The following VPS36 variants were observed in gnomAD, a reference collection of about 807,000 sequenced individuals.
VPS36 encodes vacuolar protein sorting 36 homolog, also known as vacuolar protein-sorting-associated protein 36.
VPS36 carries 31 observed loss-of-function variants against 63.5 expected under a neutral mutation model. That is an observed-to-expected ratio of 0.49 (90% CI 0.37 to 0.66). The LOEUF (loss-of-function observed/expected upper bound fraction) is 0.66, where lower values mean the gene tolerates loss of function less well. VPS36 is among the 30% of genes least tolerant of loss of function. VPS36 has a pLI of 0.00. For synonymous variants in VPS36, 138 were observed against 157.2 expected (o/e 0.88, Z 0.91); for missense variants, 338 against 463.7 (o/e 0.73, Z 2.49).
In VPS36 at chr13:52,424,991, G is replaced by GAAA. The variant is rs751008005; in HGVS notation, c.774+938_774+940dup. 7.4e-3 allele frequency among the ~76,000 whole-genome samples: 1,020 copies of GAAA among 138,736 alleles called. 4 individuals carry two copies. The highest frequency in any genetic ancestry group is 0.017 in the African/African-American group (627 of 37,766). The allele number at this position is 138,736 out of a possible 152,430, so 91.0% of individuals were successfully genotyped here. A position where few individuals can be genotyped will look rare whatever the true frequency, so the allele number is the denominator to read the frequency against. Reference sequence around the variant, plus strand: ...CGACAATAGTGAGACTCTGTTTCAAGAAAAAAAAAAAGAAAATGTAGCACT... The same window carrying GAAA: ...CGACAATAGTGAGACTCTGTTTCAAGAAAAAAAAAAAAAAGAAAATGTAGCACT... On this transcript the variant is annotated intron_variant, in intron 9 of 13. Transcript: ENST00000378060.
intron 4 of VPS36, 94 bp downstream of exon 4, chr13:52,436,196 T>C (rs1248297559): frequency 1.3e-6 from 1 of 778,560 alleles, no homozygotes; most frequent in Non-Finnish European, 2.0e-6. Context: ...TAATACTACC[T>C]TCCATCATAT....
At chr13:52,444,188 T>C (rs1958310277) in intron 1 of VPS36, among the ~76,000 whole-genome samples, 1 of 152,236 alleles carries the variant, frequency 6.6e-6, no homozygotes, top group Non-Finnish European at 1.5e-5. Flanking sequence ...CCGGGTGCCA[T>C]GGCTCACGCC....
At chr13:52,438,395 T>C (rs865965988) in intron 3 of VPS36, among the ~76,000 whole-genome samples, 2 of 152,216 alleles carry the variant, frequency 1.3e-5, no homozygotes, top group Non-Finnish European at 2.9e-5. Context: ...CATAACATTA[T>C]GATCAAGGCA....
chr13:52,436,266 G>A (rs762533469), intron 4 of VPS36, 24 bp downstream of exon 4: 10 of 1,158,664 alleles, frequency 8.6e-6, no homozygotes, highest in East Asian at 2.7e-5. Context: ...TTTCTAGTAC[G>A]ATTTTATTCA....
intron 3 of VPS36, 123 bp downstream of exon 3, chr13:52,438,975 A>C (rs1958245885): frequency 1.3e-6 from 1 of 768,472 alleles, no homozygotes; most frequent in Non-Finnish European, 2.0e-6. Context: ...ATTACAGCAA[A>C]CCTTAGCTTT....
In VPS36 at chr13:52,436,097, C is replaced by T. The variant is rs565998254; in HGVS notation, c.351+193G>A. ...CCTCTGCTTCCCATTCCCACTGAAA[C>T]CTAAACTTCATATTCTCCACTCACT... On this transcript the variant is annotated intron_variant, in intron 4 of 13. Transcript: ENST00000378060. 13 of 436,938 alleles carry T rather than the reference C, an allele frequency of 3.0e-5. No homozygotes were observed. The South Asian group carries it at 8.3e-4, about 28-fold the overall frequency. The allele number at this position is 436,938 out of a possible 1,614,324, so 27.1% of individuals were successfully genotyped here.
intron 1 of VPS36, among the ~76,000 whole-genome samples, chr13:52,448,907 C>G (rs756783858): frequency 6.6e-6 from 1 of 152,126 alleles, no homozygotes; most frequent in Non-Finnish European, 1.5e-5. Flanking sequence ...GAGGCAAAAT[C>G]AAAACACCGA....
At chr13:52,450,350 G>T in intron 1 of VPS36, 149 bp downstream of exon 1, 1 of 1,205,020 alleles carries the variant, frequency 8.3e-7, no homozygotes, top group Non-Finnish European at 1.0e-6. Flanking sequence ...CAAGAGCGCT[G>T]CACCCCGCAC....
At chr13:52,436,218 A>AACACACACACACACACACACACACAC in intron 4 of VPS36, 72 bp downstream of exon 4, 4 of 642,936 alleles carry the variant, frequency 6.2e-6, no homozygotes, top group Non-Finnish European at 5.2e-6. Context: ...AACAAGCCAC[A>AACACACACACACACACACACACACAC]ACACACACAC....
At chr13:52,424,156 G>A (rs2137779664) in intron 9 of VPS36, among the ~76,000 whole-genome samples, 1 of 152,192 alleles carries the variant, frequency 6.6e-6, no homozygotes, top group East Asian at 1.9e-4. Context: ...CACTGTGCCT[G>A]GCCTCATTAC....
intron 1 of VPS36, among the ~76,000 whole-genome samples, chr13:52,448,050 G>A (rs191459897): frequency 9.9e-5 from 15 of 152,002 alleles, no homozygotes; most frequent in African/African-American, 2.2e-4. Flanking sequence ...TTAATTATTC[G>A]GGTTTAAAAA....
chr13:52,439,851 TAAG>T (rs929745155), intron 2 of VPS36, among the ~76,000 whole-genome samples: 4 of 152,262 alleles, frequency 2.6e-5, no homozygotes, highest in Admixed American at 1.3e-4. Context: ...AAGATAATTT[TAAG>T]GAGGGCATTT....
chr13:52,423,847 T>C (rs1375082249), intron 9 of VPS36, among the ~76,000 whole-genome samples: 2 of 152,072 alleles, frequency 1.3e-5, no homozygotes, highest in African/African-American at 4.8e-5. Flanking sequence ...CATTACCACT[T>C]TATTTTTATT....
intron 9 of VPS36, among the ~76,000 whole-genome samples, chr13:52,424,290 C>T (rs1958074257): frequency 6.6e-6 from 1 of 152,058 alleles, no homozygotes; most frequent in African/African-American, 2.4e-5. Context: ...AGACTATTAC[C>T]ATTTTGCAAC....
chr13:52,433,637 T>C (rs747827721), intron 6 of VPS36, 25 bp downstream of exon 6: 4 of 1,569,096 alleles, frequency 2.5e-6, no homozygotes, highest in South Asian at 1.1e-5. Flanking sequence ...CTGGAATAGA[T>C]GGAGAGCCAG....
In VPS36 at chr13:52,433,681, G is replaced by A. The variant is rs1162446592; in HGVS notation, c.509C>T (p.Thr170Ile). The change falls in exon 6 of 14, where the codon ACT becomes ATT. Residue 170 changes from threonine to isoleucine, a missense_variant. Physicochemically the swap from Thr to Ile is moderately conservative, Grantham distance 89. Transcript: ENST00000378060. ...AGTTACCTCAGAAATGTTTTTGTCA[G>A]TTTCTTTTCTTTTTTCTTCCAGTTT... ...ERKLEEKRKE[T>I]DKNISEAFED... 1 of 1,612,946 alleles carries A rather than the reference G, an allele frequency of 6.2e-7. No individual in the cohort carries two copies. The highest frequency in any genetic ancestry group is 1.1e-5 in the South Asian group (1 of 90,996).
chr13:52,415,718 T>C lies in VPS36; in HGVS notation c.*112A>G, dbSNP rs761055064. On this transcript the variant is annotated 3_prime_UTR_variant, in exon 14 of 14. Coordinates refer to ENST00000378060, the MANE Select transcript of VPS36 (RefSeq NM_016075.4). ...AAATTAAAAGAGATTTACATTGCAC[T>C]GTGAAGTTCCAATAAATTCTCAATT... 2.4e-5 allele frequency: 24 copies of C among 992,784 alleles called. No homozygotes were observed. The highest frequency in any genetic ancestry group is 4.8e-5 in the East Asian group (2 of 41,748). The allele number at this position is 992,784 out of a possible 1,614,324, so 61.5% of individuals were successfully genotyped here. A position where few individuals can be genotyped will look rare whatever the true frequency, so the allele number is the denominator to read the frequency against.
chr13:52,416,186 C>T (rs1397322753), intron 12 of VPS36, 93 bp from the exon 13 acceptor site: 1 of 1,150,440 alleles, frequency 8.7e-7, no homozygotes, highest in African/African-American at 1.6e-5. Context: ...GAATGTATAC[C>T]AGTATATGCA....
rs1253139787 is a variant in VPS36, at chr13:52,429,817, A to G, written c.529-2598T>C. Among the ~76,000 whole-genome samples the G allele has an allele frequency of 2.0e-5, 3 of 152,216 alleles. No individual in the cohort carries two copies. The East Asian group carries it at 5.8e-4, about 29-fold the overall frequency. On this transcript the variant is annotated intron_variant, in intron 6 of 13. Coordinates refer to ENST00000378060, the MANE Select transcript of VPS36 (RefSeq NM_016075.4). Reference sequence around the variant, plus strand: ...CAGTATCAGAAAGAAAAATACAAGTAGCAATGCCAGGATCTAGGCAGGAGA... The same window carrying G: ...CAGTATCAGAAAGAAAAATACAAGTGGCAATGCCAGGATCTAGGCAGGAGA...
Sources: allele counts gnomAD v4.1 joint callset (sites outside exome capture counted in the v4.1 genomes callset), GRCh38; gene constraint gnomAD v4.1.1; transcripts MANE v1.5; gene names NCBI Gene and HGNC (gene_info 2026-07-23, HGNC 2026-07-21).